The following CYSTM1 variants were observed in gnomAD, a reference collection of about 807,000 sequenced individuals.
CYSTM1 encodes cysteine rich transmembrane module containing 1, also known as cysteine-rich transmembrane module-containing protein 1.
A neutral mutation model predicts 13.1 loss-of-function variants in CYSTM1; 4 were observed. The ratio of observed to expected loss-of-function variants is 0.31; its 90% confidence interval spans 0.15 to 0.70. The LOEUF is 0.70. CYSTM1 is among the 30% of genes least tolerant of loss of function. The probability of loss-of-function intolerance (pLI) is 0.72; values close to 1 mark genes in which losing one functional copy is unlikely to be tolerated. For synonymous variants in CYSTM1, 36 were observed against 42.7 expected, an observed-to-expected ratio of 0.84 and a Z score of 0.62; for missense variants, 96 against 121.6, an observed-to-expected ratio of 0.79 and a Z score of 0.99.
intron 2 of CYSTM1, among the ~76,000 whole-genome samples, chr5:140,236,311 C>T (rs1003733664): frequency 4.6e-5 from 7 of 152,260 alleles, no homozygotes; most frequent in South Asian, 4.2e-4. Flanking sequence ...TGTGGATGTG[C>T]GCGTCCCTGC....
intron 2 of CYSTM1, among the ~76,000 whole-genome samples, chr5:140,226,219 T>C (rs1469035839): frequency 2.0e-5 from 3 of 152,068 alleles, no homozygotes; most frequent in Admixed American, 2.0e-4. Context: ...TTACTAATAT[T>C]ATTCCTGTTT....
At chr5:140,176,720 G>T (rs1302069232) in intron 1 of CYSTM1, among the ~76,000 whole-genome samples, 1 of 152,164 alleles carries the variant, frequency 6.6e-6, no homozygotes, top group African/African-American at 2.4e-5. Flanking sequence ...ACATTCATGT[G>T]GGGCATTGGA....
intron 2 of CYSTM1, among the ~76,000 whole-genome samples, chr5:140,231,238 C>T (rs1764614296): frequency 6.6e-6 from 1 of 152,128 alleles, no homozygotes; most frequent in Non-Finnish European, 1.5e-5. Flanking sequence ...GAATAGATTA[C>T]TTTTTTAAAA....
At chr5:140,180,881 C>T (rs538719004) in intron 1 of CYSTM1, among the ~76,000 whole-genome samples, 1 of 152,302 alleles carries the variant, frequency 6.6e-6, no homozygotes, top group African/African-American at 2.4e-5. Flanking sequence ...CCTGAATTTA[C>T]TCACTGAAGA....
At chr5:140,226,526 ATATAT>A (rs1764554608) in intron 2 of CYSTM1, among the ~76,000 whole-genome samples, 1 of 121,240 alleles carries the variant, frequency 8.2e-6, no homozygotes, top group African/African-American at 3.1e-5. Context: ...ATAATATATA[ATATAT>A]TTATATATAT....
At chr5:140,207,268 C>T (rs915140606) in intron 2 of CYSTM1, among the ~76,000 whole-genome samples, 15 of 152,150 alleles carry the variant, frequency 9.9e-5, no homozygotes, top group Admixed American at 8.5e-4. Flanking sequence ...CTTATGGGGT[C>T]CTTCTGAAAT....
chr5:140,223,139 A>G (rs1323692225), intron 2 of CYSTM1, among the ~76,000 whole-genome samples: 1 of 152,170 alleles, frequency 6.6e-6, no homozygotes, highest in Non-Finnish European at 1.5e-5. Flanking sequence ...AAAGACCCTT[A>G]ATGGGGTAGG....
chr5:140,176,419 G>A (rs1357983164), intron 1 of CYSTM1, among the ~76,000 whole-genome samples: 1 of 152,216 alleles, frequency 6.6e-6, no homozygotes, highest in East Asian at 1.9e-4. Flanking sequence ...TATGATACAT[G>A]TAAACTTTGT....
At chr5:140,237,619 G>A (rs1764698020) in intron 2 of CYSTM1, among the ~76,000 whole-genome samples, 3 of 152,232 alleles carry the variant, frequency 2.0e-5, no homozygotes, top group African/African-American at 7.2e-5. Flanking sequence ...TGGTAGCCTA[G>A]CAGGTCTTGC....
intron 1 of CYSTM1, among the ~76,000 whole-genome samples, chr5:140,193,440 GC>G (rs1764115920): frequency 6.6e-6 from 1 of 152,120 alleles, no homozygotes; most frequent in South Asian, 2.1e-4. Context: ...ATGCCACCAT[GC>G]CCGGCTAATT....
chr5:140,222,774 G>C (rs1187267687), intron 2 of CYSTM1, among the ~76,000 whole-genome samples: 3 of 152,236 alleles, frequency 2.0e-5, no homozygotes, highest in African/African-American at 7.2e-5. Flanking sequence ...GCAGCATGTG[G>C]AGAAAGCCTG....
chr5:140,209,691 G>T, intron 2 of CYSTM1, among the ~76,000 whole-genome samples: 1 of 152,110 alleles, frequency 6.6e-6, no homozygotes, highest in Non-Finnish European at 1.5e-5. Flanking sequence ...CCCTCCCAAA[G>T]TGCTGGGATT....
chr5:140,239,353 G>C lies in CYSTM1; in HGVS notation c.188-3952G>C, dbSNP rs1764721185. Among the ~76,000 whole-genome samples the C allele has an allele frequency of 6.6e-6, 1 of 152,128 alleles. No individual in the cohort carries two copies. The highest frequency in any genetic ancestry group is 6.5e-5 in the Admixed American group (1 of 15,280). On this transcript the variant is annotated intron_variant, in intron 2 of 2. Transcript: ENST00000261811. This position sits in a 1 kb window ranked among gnomAD's most constrained non-coding sequence, Gnocchi z 5.4. ...TGCCTACCCAGAACCAGGTTTCTGA[G>C]TAGCCCATGTGAATGTCATCTCTGG...
At chr5:140,192,435 A>G (rs903919225) in intron 1 of CYSTM1, among the ~76,000 whole-genome samples, 3 of 152,156 alleles carry the variant, frequency 2.0e-5, no homozygotes, top group African/African-American at 7.2e-5. Flanking sequence ...AGGACTGGAA[A>G]TTCGATAGAG....
At chr5:140,210,708 C>T (rs1055715053) in intron 2 of CYSTM1, among the ~76,000 whole-genome samples, 5 of 151,990 alleles carry the variant, frequency 3.3e-5, no homozygotes, top group African/African-American at 4.8e-5. Flanking sequence ...GACAGGGTCT[C>T]GCTCTGTTAC....
intron 1 of CYSTM1, among the ~76,000 whole-genome samples, chr5:140,178,933 G>A (rs760039137): frequency 6.6e-6 from 1 of 151,760 alleles, no homozygotes; most frequent in Non-Finnish European, 1.5e-5. Flanking sequence ...GTTTGGCTTT[G>A]TTTTTTCCTG....
At chr5:140,192,589 A>G (rs1764106511) in intron 1 of CYSTM1, among the ~76,000 whole-genome samples, 1 of 152,152 alleles carries the variant, frequency 6.6e-6, no homozygotes. Context: ...AGGGCTGCAG[A>G]TTGGCTGTCA....
At chr5:140,189,291 T>C (rs1764061332) in intron 1 of CYSTM1, among the ~76,000 whole-genome samples, 1 of 152,170 alleles carries the variant, frequency 6.6e-6, no homozygotes, top group Non-Finnish European at 1.5e-5. Flanking sequence ...AAGTGAGATC[T>C]GGTTGTTTAA....
intron 2 of CYSTM1, among the ~76,000 whole-genome samples, chr5:140,203,646 A>C (rs573062990): frequency 6.6e-6 from 1 of 152,384 alleles, no homozygotes; most frequent in African/African-American, 2.4e-5. Flanking sequence ...TGAAAAATTA[A>C]ACACTATAAC....
Sources: allele counts gnomAD v4.1 joint callset (sites outside exome capture counted in the v4.1 genomes callset), GRCh38; gene constraint gnomAD v4.1.1; non-coding constraint Gnocchi (gnomAD v3.1); transcripts MANE v1.5; gene names NCBI Gene and HGNC (gene_info 2026-07-23, HGNC 2026-07-21).